GPC5: variants seen among roughly 807,000 people sequenced by gnomAD.
GPC5 encodes glypican 5.
A neutral mutation model predicts 53.9 loss-of-function variants in GPC5; 47 were observed. The ratio of observed to expected loss-of-function variants is 0.87; its 90% CI spans 0.69 to 1.11. The LOEUF is 1.11. GPC5 is among the 50% of genes most tolerant of loss of function. The pLI is 0.00. For synonymous variants in GPC5, 286 were observed against 263.3 expected (o/e 1.09, Z -0.84); for missense variants, 748 against 713.1 (o/e 1.05, Z -0.56).
At chr13:92,073,362 T>G (rs1464216641) in intron 6 of GPC5, among the ~76,000 whole-genome samples, 2 of 152,314 alleles carry the variant, frequency 1.3e-5, no homozygotes, top group South Asian at 2.1e-4. Flanking sequence ...GCTTTCTTTT[T>G]CTCTCAACTT....
intron 7 of GPC5, among the ~76,000 whole-genome samples, chr13:92,216,707 C>T (rs1365627707): frequency 5.3e-5 from 8 of 152,034 alleles, no homozygotes; most frequent in South Asian, 2.1e-4. Flanking sequence ...AAGCCAGGCG[C>T]GGTGGCTCAT....
intron 6 of GPC5, among the ~76,000 whole-genome samples, chr13:92,036,881 C>G (rs547393538): frequency 3.3e-5 from 5 of 152,162 alleles, no homozygotes; most frequent in African/African-American, 9.7e-5. Context: ...TTCTCTCTAA[C>G]TCTTCCTATA....
chr13:92,002,899 A>G (rs1305684509), intron 6 of GPC5, among the ~76,000 whole-genome samples: 3 of 152,192 alleles, frequency 2.0e-5, no homozygotes, highest in African/African-American at 4.8e-5. Context: ...GATGGATGTA[A>G]CCACAGTTGT....
chr13:91,491,402 A>C (rs1008065535), intron 2 of GPC5, among the ~76,000 whole-genome samples: 1 of 152,198 alleles, frequency 6.6e-6, no homozygotes, highest in Non-Finnish European at 1.5e-5. Flanking sequence ...ACTATTCGGC[A>C]TATAACCTAC....
intron 7 of GPC5, among the ~76,000 whole-genome samples, chr13:92,460,696 G>A (rs1049893812): frequency 2.0e-5 from 3 of 152,138 alleles, no homozygotes; most frequent in African/African-American, 7.2e-5. Context: ...GGAAGGTCAA[G>A]TTGAACTCAG....
At chr13:92,748,311 T>TTTATTATTATTATTA (rs71202559) in intron 7 of GPC5, among the ~76,000 whole-genome samples, 2,893 of 142,322 alleles carry the variant, frequency 0.02, 72 homozygotes, top group East Asian at 0.09. Context: ...TGCATTTTAT[T>TTTATTATTATTATTA]TTATTATTAT....
chr13:92,281,749 A>G (rs868790731), intron 7 of GPC5, among the ~76,000 whole-genome samples: 32 of 152,306 alleles, frequency 2.1e-4, no homozygotes, highest in Admixed American at 3.9e-4. Flanking sequence ...CCATCTGTAC[A>G]TCAACATCAG....
chr13:91,830,541 T>G (rs28862306), intron 5 of GPC5, among the ~76,000 whole-genome samples: 7,299 of 151,726 alleles, frequency 0.048, 366 homozygotes, highest in East Asian at 0.22. Flanking sequence ...CTTTACAGTT[T>G]TATGTTCAGA....
chr13:92,796,469 C>T (rs1876687853), intron 7 of GPC5, among the ~76,000 whole-genome samples: 1 of 151,996 alleles, frequency 6.6e-6, no homozygotes, highest in Admixed American at 6.6e-5. Context: ...ATGTAACCTG[C>T]ACATTGTGCA....
chr13:91,647,880 C>T (rs1411118670), intron 2 of GPC5, among the ~76,000 whole-genome samples: 1 of 152,176 alleles, frequency 6.6e-6, no homozygotes, highest in Non-Finnish European at 1.5e-5. Flanking sequence ...CTTTCTAACA[C>T]ACTGTATAAG....
intron 2 of GPC5, among the ~76,000 whole-genome samples, chr13:91,625,288 A>G (rs957369248): frequency 6.6e-6 from 1 of 152,060 alleles, no homozygotes; most frequent in African/African-American, 2.4e-5. Context: ...AGGAGTTAAG[A>G]AGACCTGATT....
At chr13:92,698,686 T>C (rs2139245421) in intron 7 of GPC5, among the ~76,000 whole-genome samples, 1 of 152,280 alleles carries the variant, frequency 6.6e-6, no homozygotes, top group South Asian at 2.1e-4. Context: ...TACCCAGTAA[T>C]GGGATTGCTG....
chr13:91,913,592 G>T (rs1320634097), intron 6 of GPC5, among the ~76,000 whole-genome samples: 1 of 152,074 alleles, frequency 6.6e-6, no homozygotes, highest in Non-Finnish European at 1.5e-5. Context: ...CTATAGCTTG[G>T]TCCTTAAGGA....
chr13:92,850,678 A>ATTTT (rs1878765615), intron 7 of GPC5, among the ~76,000 whole-genome samples: 2 of 152,194 alleles, frequency 1.3e-5, no homozygotes, highest in Non-Finnish European at 2.9e-5. Context: ...AAGGTCTATA[A>ATTTT]AGTAAGGATT....
At chr13:92,769,617 C>A (rs1036929450) in intron 7 of GPC5, among the ~76,000 whole-genome samples, 1 of 152,060 alleles carries the variant, frequency 6.6e-6, no homozygotes, top group Non-Finnish European at 1.5e-5. Flanking sequence ...AGCAGTGTGA[C>A]CTGATTACCA....
chr13:91,822,179 T>C (rs1364190254), intron 5 of GPC5, among the ~76,000 whole-genome samples: 1 of 152,200 alleles, frequency 6.6e-6, no homozygotes, highest in East Asian at 1.9e-4. Flanking sequence ...GTAGAAGTTA[T>C]TCATGTTACA....
intron 2 of GPC5, among the ~76,000 whole-genome samples, chr13:91,544,718 A>G (rs181047191): frequency 1.3e-5 from 2 of 152,320 alleles, no homozygotes; most frequent in East Asian, 1.9e-4. Context: ...TGTTCTAGTT[A>G]TCTGTTACTG....
intron 7 of GPC5, among the ~76,000 whole-genome samples, chr13:92,553,761 A>G (rs1882399495): frequency 6.6e-6 from 1 of 151,940 alleles, no homozygotes; most frequent in East Asian, 1.9e-4. Context: ...TAGTTTCTTC[A>G]ACTTTATACA....
chr13:92,586,607 A>C (rs1883545665), intron 7 of GPC5, among the ~76,000 whole-genome samples: 1 of 152,212 alleles, frequency 6.6e-6, no homozygotes, highest in African/African-American at 2.4e-5. Flanking sequence ...AAAAACACCC[A>C]GTGAGCTCAG....
Sources: gnomAD v4.1 joint callset for allele counts (sites outside exome capture counted in the v4.1 genomes callset) on GRCh38, gnomAD v4.1.1 for gene constraint, MANE v1.5 for transcripts, NCBI Gene and HGNC (gene_info 2026-07-23, HGNC 2026-07-21) for gene names.